Variants in DUSP12 observed in about 807,000 individuals in gnomAD.
DUSP12 encodes the protein dual specificity phosphatase 12.
In DUSP12, 25 loss-of-function variants were observed where a neutral mutation model predicts 38.9. The observed-to-expected ratio is 0.64, with a 90% confidence interval of 0.47 to 0.90. DUSP12 has a LOEUF of 0.90. Among genes scored for constraint, DUSP12 ranks in the 40% least tolerant of loss-of-function variants. DUSP12 has a pLI of 0.00. For missense variants in DUSP12, 403 were observed against 427.0 expected, an observed-to-expected ratio of 0.94 and a Z score of 0.50; for synonymous variants, 153 against 153.9, an observed-to-expected ratio of 0.99 and a Z score of 0.05.
At chr1:161,755,301 G>A (rs1047414917) in intron 5 of DUSP12, among the ~76,000 whole-genome samples, 1 of 152,130 alleles carries the variant, frequency 6.6e-6, no homozygotes, top group Non-Finnish European at 1.5e-5. Context: ...TTTTATGTAA[G>A]ATTCTAAATC....
intron 5 of DUSP12, 123 bp from the exon 6 acceptor site, chr1:161,756,660 CTGA>C (rs1323399440): frequency 3.9e-6 from 4 of 1,029,618 alleles, no homozygotes; most frequent in African/African-American, 1.6e-5. Context: ...TTTTATCTCA[CTGA>C]TTAGATTATA....
chr1:161,752,848 G>A (rs1244447121), intron 4 of DUSP12, among the ~76,000 whole-genome samples: 1 of 152,062 alleles, frequency 6.6e-6, no homozygotes, highest in Non-Finnish European at 1.5e-5. Flanking sequence ...AAATTAGTTG[G>A]GCATGGTGGC....
chr1:161,753,952 C>T (rs989184165), intron 5 of DUSP12, among the ~76,000 whole-genome samples: 3 of 152,060 alleles, frequency 2.0e-5, no homozygotes, highest in Admixed American at 6.6e-5. Context: ...TCCTATTGCT[C>T]CTGTAACCAG....
In DUSP12 at chr1:161,751,750, G is replaced by C; in HGVS notation, c.427G>C (p.Glu143Gln). ...TDQLPFEKAYEKLQILKPEAK... is the reference protein window; with the variant it reads ...TDQLPFEKAYQKLQILKPEAK... ...CCAACTTCCCTTTGAAAAAGCCTAT[G>C]AAAAGCTCCAGATTCTCAAACCAGA... The change falls in exon 2 of 6, where the codon GAA becomes CAA. Residue 143 changes from glutamate (E) to glutamine (Q), a missense_variant. Glu to Gln is a conservative substitution (Grantham distance 29, BLOSUM62 2). Coordinates refer to ENST00000367943, the MANE Select transcript of DUSP12 (RefSeq NM_007240.3). The C allele has an allele frequency of 6.2e-7, 1 of 1,613,364 alleles. No individual in the cohort carries two copies. Among genetic ancestry groups the C allele is most frequent in the Middle Eastern group, 1.7e-4 (1 of 6,060 alleles).
chr1:161,752,540 A>C (rs1386164185), intron 4 of DUSP12, 76 bp downstream of exon 4: 8 of 998,280 alleles, frequency 8.0e-6, no homozygotes, highest in Non-Finnish European at 1.2e-5. Context: ...TATTTTCTTA[A>C]ATTTCTGTAG....
rs772246099 is a variant in DUSP12, at chr1:161,749,791, T to C, written c.-11T>C. Reference sequence around the variant, plus strand: ...GTAGGGCAGGAAGCCGCCTTGTCTCTGGGCGCGGCCATGTTGGAGGCTCCG... The same window carrying C: ...GTAGGGCAGGAAGCCGCCTTGTCTCCGGGCGCGGCCATGTTGGAGGCTCCG... On this transcript the variant is annotated 5_prime_UTR_variant, in exon 1 of 6. Transcript: ENST00000367943. 6.4e-7 allele frequency: 1 copy of C among 1,560,082 alleles called. No individual in the cohort carries two copies. The highest frequency in any genetic ancestry group is 2.4e-5 in the East Asian group (1 of 41,644).
In DUSP12 at chr1:161,749,830, G is replaced by T; in HGVS notation, c.29G>T (p.Gly10Val). The T allele has an allele frequency of 6.3e-7, 1 of 1,590,252 alleles. No homozygotes were observed. Among genetic ancestry groups the T allele is most frequent in the Non-Finnish European group, 8.6e-7 (1 of 1,168,966 alleles). Residue 10 changes from glycine (G) to valine (V), a missense_variant, in exon 1 of 6, where the codon GGC (glycine) becomes GTC (valine). Gly to Val is a moderately radical substitution (Grantham distance 109). Transcript: ENST00000367943. The stretch of plus-strand genomic sequence containing the variant: ...TTGGAGGCTCCGGGCCCGAGTGATG[G>T]CTGCGAGCTCAGCAACCCCAGCGCC... MLEAPGPSD[G>V]CELSNPSASR...
chr1:161,754,023 A>C (rs1684071390), intron 5 of DUSP12, among the ~76,000 whole-genome samples: 1 of 152,196 alleles, frequency 6.6e-6, no homozygotes, highest in Non-Finnish European at 1.5e-5. Flanking sequence ...AAAGTGTTTA[A>C]CTTGGTTGGA....
chr1:161,753,158 C>T lies in DUSP12; in HGVS notation c.758C>T (p.Pro253Leu). ...PIAFAHKRMT[P>L]SSMLTTGRQA... ...GCCTTTGCCCACAAGAGAATGACAC[C>T]ATCTTCCATGCTTACCACAGGGAGG... The change falls in exon 5 of 6, where the codon CCA becomes CTA. Residue 253 changes from proline (P) to leucine (L), a missense_variant. Coordinates refer to ENST00000367943, the MANE Select transcript of DUSP12 (RefSeq NM_007240.3). The T allele has an allele frequency of 1.2e-6, 2 of 1,613,878 alleles. No homozygotes were observed. Among genetic ancestry groups the T allele is most frequent in the Non-Finnish European group, 1.7e-6 (2 of 1,179,922 alleles).
chr1:161,757,052 A>G lies in DUSP12; in HGVS notation c.*105A>G, dbSNP rs1684121728. On this transcript the variant is annotated 3_prime_UTR_variant, in exon 6 of 6. Coordinates refer to ENST00000367943, the MANE Select transcript of DUSP12 (RefSeq NM_007240.3). ...TTGTGCTTTCAACATTTCATTTGAA[A>G]TGGGAGAAGATAAAATCACTTGATG... 7 of 1,127,102 alleles carry G rather than the reference A, an allele frequency of 6.2e-6. 1 individual carries two copies. The South Asian group carries it at 1.3e-4, about 21-fold the overall frequency. The allele number at this position is 1,127,102 out of a possible 1,614,324, so 69.8% of individuals were successfully genotyped here. A position where few individuals can be genotyped will look rare whatever the true frequency, so the allele number is the denominator to read the frequency against.
At position 161,752,431 on chromosome 1, in the gene DUSP12, A is replaced by G; in HGVS notation, c.641A>G (p.Lys214Arg). Residue 214 changes from lysine (K) to arginine (R), a missense_variant, in exon 4 of 6, where the codon AAA becomes AGA. Lys to Arg is a conservative substitution (Grantham distance 26). Transcript: ENST00000367943. ...CCAACTACCGTTTCACAAGGATTGA[A>G]AGATGAGGTTCTCTACAAGTGTAGA... ...VDPTTVSQGLKDEVLYKCRKC... is the reference protein window; with the variant it reads ...VDPTTVSQGLRDEVLYKCRKC... The G allele has an allele frequency of 6.2e-7, 1 of 1,612,940 alleles. No homozygotes were observed. Among genetic ancestry groups the G allele is most frequent in the Non-Finnish European group, 8.5e-7 (1 of 1,179,182 alleles).
intron 3 of DUSP12, 26 bp from the exon 4 acceptor site, chr1:161,752,342 A>T (rs898795119): frequency 1.3e-6 from 2 of 1,505,648 alleles, no homozygotes; most frequent in Non-Finnish European, 1.8e-6. Flanking sequence ...TTTGACAAAT[A>T]AATACATTTT....
intron 4 of DUSP12, 30 bp from the exon 5 acceptor site, chr1:161,753,045 T>C (rs772038041): frequency 1.3e-6 from 2 of 1,568,590 alleles, no homozygotes; most frequent in Non-Finnish European, 1.7e-6. Flanking sequence ...TTGGAAGTCA[T>C]TAATGCTTTT....
At chr1:161,752,909 G>A (rs894999483) in intron 4 of DUSP12, among the ~76,000 whole-genome samples, 166 bp from the exon 5 acceptor site, 3 of 151,680 alleles carry the variant, frequency 2.0e-5, no homozygotes, top group African/African-American at 7.3e-5. Flanking sequence ...AGAATTGGTT[G>A]AACCCAGGAG....
Position 161,750,146 on chromosome 1 carries a change from G to T in DUSP12, c.344+1G>T. The T allele has an allele frequency of 6.2e-7, 1 of 1,609,486 alleles. No individual in the cohort carries two copies. The highest frequency in any genetic ancestry group is 8.5e-7 in the Non-Finnish European group (1 of 1,178,554). ...AGGGCCGTGCGGTGTTGGTGCACTG[G>T]TGAGTGGCCGGGTCAGTGGGTGACG... On this transcript the variant is annotated splice_donor_variant, in intron 1 of 5. Coordinates refer to ENST00000367943, the MANE Select transcript of DUSP12 (RefSeq NM_007240.3). LOFTEE classifies it high-confidence loss of function.
At position 161,749,811 on chromosome 1, in the gene DUSP12, G is replaced by A; in HGVS notation, c.10G>A (p.Ala4Thr). Residue 4 changes from alanine (A) to threonine (T), a missense_variant, in exon 1 of 6, where the codon GCT becomes ACT. Transcript: ENST00000367943. MLE[A>T]PGPSDGCELS... ...GTCTCTGGGCGCGGCCATGTTGGAG[G>A]CTCCGGGCCCGAGTGATGGCTGCGA... 6.3e-7 allele frequency: 1 copy of A among 1,576,374 alleles called. No individual in the cohort carries two copies. Among genetic ancestry groups the A allele is most frequent in the Non-Finnish European group, 8.6e-7 (1 of 1,162,150 alleles).
chr1:161,752,039 A>C (rs1684030684), intron 3 of DUSP12, 55 bp downstream of exon 3: 1 of 1,186,424 alleles, frequency 8.4e-7, no homozygotes, highest in African/African-American at 1.5e-5. Flanking sequence ...TTACTTTAGC[A>C]TTGTATGCTT....
At chr1:161,755,385 C>T (rs908894217) in intron 5 of DUSP12, among the ~76,000 whole-genome samples, 11 of 151,944 alleles carry the variant, frequency 7.2e-5, no homozygotes, top group Admixed American at 7.2e-4. Flanking sequence ...ATTCCTGGCT[C>T]GAAGAATGTA....
At chr1:161,753,438 C>A in intron 5 of DUSP12, 177 bp downstream of exon 5, 1 of 470,458 alleles carries the variant, frequency 2.1e-6, no homozygotes, top group Non-Finnish European at 3.4e-6. Context: ...TTTCAAAAAC[C>A]AGCTGATCCA....
Sources: allele counts gnomAD v4.1 joint callset (sites outside exome capture counted in the v4.1 genomes callset), GRCh38; gene constraint gnomAD v4.1.1; transcripts MANE v1.5; gene names NCBI Gene and HGNC (gene_info 2026-07-23, HGNC 2026-07-21).